The following PAK5 variants were observed in gnomAD, a reference collection of about 807,000 sequenced individuals.
The protein encoded by PAK5 is serine/threonine-protein kinase PAK 5.
In PAK5, 16 loss-of-function variants were observed where a neutral mutation model predicts 65.9. The observed-to-expected ratio is 0.24, with a 90% CI of 0.16 to 0.37. The LOEUF (loss-of-function observed/expected upper bound fraction) is 0.37. PAK5 is among the 10% of genes least tolerant of loss of function. The pLI, the probability that PAK5 is intolerant of heterozygous loss-of-function variation, is 1.00. For synonymous variants in PAK5, 371 were observed against 354.9 expected (o/e 1.05, Z -0.51); for missense variants, 785 against 903.9 (o/e 0.87, Z 1.69).
intron 1 of PAK5, among the ~76,000 whole-genome samples, chr20:9,757,778 C>T (rs1311310853): frequency 6.6e-6 from 1 of 152,158 alleles, no homozygotes; most frequent in Non-Finnish European, 1.5e-5. Flanking sequence ...TCATGCTGTT[C>T]TATTTTTAAA....
chr20:9,779,354 A>ATATATATATAAT (rs147383155), intron 1 of PAK5, among the ~76,000 whole-genome samples: 52,783 of 148,898 alleles, frequency 0.35, 9,907 homozygotes, highest in African/African-American at 0.47. Flanking sequence ...TTTGTCTAAT[A>ATATATATATAAT]TATATATATA....
At chr20:9,644,458 C>T (rs989072252) in intron 2 of PAK5, 119 bp from the exon 3 acceptor site, 3 of 652,052 alleles carry the variant, frequency 4.6e-6, no homozygotes, top group Non-Finnish European at 7.8e-6. Flanking sequence ...TAGATCCCAG[C>T]TGCAAAAGAT....
intron 1 of PAK5, among the ~76,000 whole-genome samples, chr20:9,724,456 T>C (rs1181473449): frequency 6.6e-6 from 1 of 152,212 alleles, no homozygotes; most frequent in Admixed American, 6.5e-5. Context: ...ACTCACTTGT[T>C]CGTGGACATT....
At chr20:9,813,184 A>G (rs558689601) in intron 1 of PAK5, among the ~76,000 whole-genome samples, 3 of 152,268 alleles carry the variant, frequency 2.0e-5, no homozygotes, top group Non-Finnish European at 2.9e-5. Flanking sequence ...ATCCAAACTA[A>G]TGAACATCAC....
In PAK5 at chr20:9,544,348, CTA is replaced by C; in HGVS notation, c.1869+19_1869+20del. ...GAGCCTGTCCCCAGTCCTGCCACGC[CTA>C]TGACTGTGACCCCCTTACCTCTGTC... On this transcript the variant is annotated intron_variant, in intron 8 of 9. Coordinates refer to ENST00000353224, the MANE Select transcript of PAK5 (RefSeq NM_177990.4). 1.2e-6 allele frequency: 2 copies of C among 1,612,438 alleles called. No homozygotes were observed. Among genetic ancestry groups the C allele is most frequent in the Non-Finnish European group, 1.7e-6 (2 of 1,179,232 alleles).
chr20:9,655,369 C>T (rs1048279343), intron 2 of PAK5, among the ~76,000 whole-genome samples: 2 of 151,744 alleles, frequency 1.3e-5, no homozygotes, highest in Admixed American at 6.6e-5. Context: ...ATTTTTTATA[C>T]ATAAACATAA....
At chr20:9,550,089 C>T (rs1024604435) in intron 7 of PAK5, among the ~76,000 whole-genome samples, 5 of 152,294 alleles carry the variant, frequency 3.3e-5, no homozygotes, top group Non-Finnish European at 5.9e-5. Flanking sequence ...GGAGACACGG[C>T]GCTATAGTGT....
chr20:9,649,985 C>T (rs531775624), intron 2 of PAK5, among the ~76,000 whole-genome samples: 2 of 152,312 alleles, frequency 1.3e-5, no homozygotes, highest in South Asian at 4.1e-4. Context: ...CGGCAGTCCA[C>T]ATTTTGAGTA....
intron 4 of PAK5, among the ~76,000 whole-genome samples, chr20:9,578,743 G>A (rs2045929261): frequency 6.6e-6 from 1 of 152,154 alleles, no homozygotes; most frequent in African/African-American, 2.4e-5. Context: ...ATGCGTATGA[G>A]TTCAAGTAGA....
At chr20:9,673,080 A>G (rs929788010) in intron 2 of PAK5, among the ~76,000 whole-genome samples, 1 of 152,330 alleles carries the variant, frequency 6.6e-6, no homozygotes, top group Non-Finnish European at 1.5e-5. Context: ...TGGGCAAGAG[A>G]GAAATCTTAA....
At chr20:9,615,141 C>T (rs219857) in intron 3 of PAK5, among the ~76,000 whole-genome samples, 80,773 of 151,958 alleles carry the variant, frequency 0.53, 22,466 homozygotes, top group East Asian at 0.84. Context: ...ACTAAGGTGG[C>T]AATAAAAGGA....
At chr20:9,591,080 T>G (rs1276662261) in intron 3 of PAK5, among the ~76,000 whole-genome samples, 1 of 152,222 alleles carries the variant, frequency 6.6e-6, no homozygotes, top group Non-Finnish European at 1.5e-5. Flanking sequence ...CTACCATGGA[T>G]TAAACACTTG....
chr20:9,697,978 C>T (rs989774826), intron 2 of PAK5, among the ~76,000 whole-genome samples: 6 of 151,984 alleles, frequency 3.9e-5, no homozygotes, highest in African/African-American at 1.4e-4. Flanking sequence ...TTGACATTAG[C>T]CCATGATGTT....
chr20:9,557,694 G>T lies in PAK5; in HGVS notation c.1657C>A (p.Leu553Met). 1 of 1,611,354 alleles carries T rather than the reference G, an allele frequency of 6.2e-7. No homozygotes were observed. Among genetic ancestry groups the T allele is most frequent in the Non-Finnish European group, 8.5e-7 (1 of 1,177,634 alleles). The change falls in exon 7 of 10, where the codon CTG becomes ATG. Residue 553 changes from leucine to methionine, a missense_variant. Leu to Met is a conservative substitution (Grantham distance 15). Around this residue, in one of 4 missense-constraint regions of PAK5, gnomAD observed 182 missense variants for 273.0 expected, o/e 0.67. Coordinates refer to ENST00000353224, the MANE Select transcript of PAK5 (RefSeq NM_177990.4). ...EQIATVCLSV[L>M]RALSYLHNQG... ...TTATGAAGGTAGGAGAGAGCTCTCA[G>T]AACTGACAGGCAGACAGTAGCTATC...
At chr20:9,596,578 G>A (rs1031445816) in intron 3 of PAK5, among the ~76,000 whole-genome samples, 1 of 143,490 alleles carries the variant, frequency 7.0e-6, no homozygotes, top group African/African-American at 2.6e-5. Context: ...GGAGCTTGCA[G>A]TGAGCTGAGA....
rs533219554 is a variant in PAK5, at chr20:9,539,674, C to T, written c.2005-57G>A. 99 of 1,446,852 alleles carry T rather than the reference C, an allele frequency of 6.8e-5. No homozygotes were observed. The South Asian group carries it at 1.1e-3, about 16-fold the overall frequency. 89.6% of individuals were successfully genotyped at this position (1,446,852 alleles called of 1,614,324 possible). ...CTAACACAGACACCTAACCCAGTCC[C>T]CAAAATGTTTTCCCCATTCATCCTA... On this transcript the variant is annotated intron_variant, in intron 9 of 9. Coordinates refer to ENST00000353224, the MANE Select transcript of PAK5 (RefSeq NM_177990.4).
intron 1 of PAK5, among the ~76,000 whole-genome samples, chr20:9,832,610 A>G (rs1978816470): frequency 6.6e-6 from 1 of 152,160 alleles, no homozygotes; most frequent in Non-Finnish European, 1.5e-5. Flanking sequence ...CTCTGTAGGA[A>G]GCTTGTATTA....
intron 1 of PAK5, among the ~76,000 whole-genome samples, chr20:9,750,321 A>T (rs964497242): frequency 6.6e-6 from 1 of 152,134 alleles, no homozygotes; most frequent in Admixed American, 6.6e-5. Context: ...AGACAGCATG[A>T]AGCATAACAT....
intron 1 of PAK5, among the ~76,000 whole-genome samples, chr20:9,726,767 G>T (rs1214164815): frequency 6.6e-6 from 1 of 152,044 alleles, no homozygotes; most frequent in Non-Finnish European, 1.5e-5. Flanking sequence ...AACTACCATG[G>T]CACATGTATA....
Sources: gnomAD v4.1 joint callset for allele counts (sites outside exome capture counted in the v4.1 genomes callset) on GRCh38, gnomAD v4.1.1 for gene constraint, gnomAD v4.1.1 regional missense constraint, MANE v1.5 for transcripts, NCBI Gene and HGNC (gene_info 2026-07-23, HGNC 2026-07-21) for gene names.